The following CYP39A1 variants were observed in gnomAD, a reference collection of about 807,000 sequenced individuals.
The protein encoded by CYP39A1 is cytochrome P450 family 39 subfamily A member 1.
In CYP39A1, 49 loss-of-function variants were observed where a neutral mutation model predicts 58.1. The ratio of observed to expected loss-of-function variants is 0.84; its 90% confidence interval spans 0.67 to 1.07. CYP39A1 has a LOEUF of 1.07. Ranked by LOEUF, CYP39A1 falls within the 50% of genes least tolerant of loss-of-function variation. CYP39A1 has a pLI of 0.00. For synonymous variants in CYP39A1, 209 were observed against 187.6 expected (o/e 1.11, Z -0.93); for missense variants, 531 against 539.4 (o/e 0.98, Z 0.16).
intron 10 of CYP39A1, among the ~76,000 whole-genome samples, chr6:46,580,105 A>G (rs1276534794): frequency 6.6e-6 from 1 of 152,188 alleles, no homozygotes; most frequent in Non-Finnish European, 1.5e-5. Flanking sequence ...TTAAAACTAT[A>G]CTACAAGGCC....
chr6:46,595,979 A>G lies in CYP39A1; in HGVS notation c.1065+8T>C. On this transcript the variant is annotated splice_region_variant and intron_variant, in intron 8 of 11. Coordinates refer to ENST00000275016, the MANE Select transcript of CYP39A1 (RefSeq NM_016593.5). ...GGTTGATTCATTTAAAACCAAACCA[A>G]AGCTTACCAAAATTTCCACAGGCTT... 1.2e-6 allele frequency: 2 copies of G among 1,606,916 alleles called. No homozygotes were observed. Among genetic ancestry groups the G allele is most frequent in the East Asian group, 4.5e-5 (2 of 44,680 alleles).
rs60925069 is a variant in CYP39A1, at chr6:46,581,768, C to A, written c.1250+5309G>T. On this transcript the variant is annotated intron_variant, in intron 10 of 11. Coordinates refer to ENST00000275016, the MANE Select transcript of CYP39A1 (RefSeq NM_016593.5). ...GCAACAAACTTGCACATGTACCCCC[C>A]TTGAACCCAAAATAAAAGTTGAAAA... 7.8e-3 allele frequency among the ~76,000 whole-genome samples: 1,184 copies of A among 152,216 alleles called. 15 individuals carry two copies. Among genetic ancestry groups the A allele is most frequent in the African/African-American group, 0.027 (1,119 of 41,540 alleles).
At chr6:46,628,293 C>T (rs1236473979) in intron 6 of CYP39A1, among the ~76,000 whole-genome samples, 4 of 151,862 alleles carry the variant, frequency 2.6e-5, no homozygotes, top group African/African-American at 4.8e-5. Context: ...GAAAAATGAA[C>T]GAAATGTACA....
chr6:46,563,567 A>T (rs560472384), intron 10 of CYP39A1, among the ~76,000 whole-genome samples: 57 of 152,324 alleles, frequency 3.7e-4, no homozygotes, highest in Non-Finnish European at 5.6e-4. Context: ...AGCAATGCAC[A>T]TGGAGAGATG....
At position 46,565,579 on chromosome 6, in the gene CYP39A1, T is replaced by C. The variant is rs866310768; in HGVS notation, c.1251-11725A>G. Among the ~76,000 whole-genome samples the C allele has an allele frequency of 1.9e-4, 29 of 152,236 alleles. 1 individual carries two copies. The highest frequency in any genetic ancestry group is 6.8e-3 in the Middle Eastern group (2 of 294). On this transcript the variant is annotated intron_variant, in intron 10 of 11. Transcript: ENST00000275016. ...AACGAATCTGGTGTAGACGTTTATG[T>C]AACAATGTTGTGAGTTGCTTTTCAT...
At chr6:46,642,379 C>A (rs1776396287) in intron 1 of CYP39A1, 81 bp from the exon 2 acceptor site, 2 of 1,370,208 alleles carry the variant, frequency 1.5e-6, no homozygotes, top group Admixed American at 5.0e-5. Context: ...AATCCTAATG[C>A]TGAAGTTATA....
In CYP39A1 at chr6:46,560,791, C is replaced by T. The variant is rs138883642; in HGVS notation, c.1251-6937G>A. ...AATAAACTTGATTAAAAAAAATCTA[C>T]GGAAGGAGCCCTGGGGTAATCCAAA... On this transcript the variant is annotated intron_variant, in intron 10 of 11. Coordinates refer to ENST00000275016, the MANE Select transcript of CYP39A1 (RefSeq NM_016593.5). 9.3e-4 allele frequency among the ~76,000 whole-genome samples: 141 copies of T among 151,616 alleles called. 2 individuals carry two copies. In the East Asian group the frequency reaches 0.014, roughly 15 times the overall value.
chr6:46,612,597 A>G (rs1476002541), intron 7 of CYP39A1, among the ~76,000 whole-genome samples: 1 of 152,252 alleles, frequency 6.6e-6, no homozygotes, highest in Non-Finnish European at 1.5e-5. Context: ...TAGCAAAGGT[A>G]AATGAGGCTA....
At chr6:46,649,846 A>G (rs1344385365) in intron 1 of CYP39A1, among the ~76,000 whole-genome samples, 1 of 152,230 alleles carries the variant, frequency 6.6e-6, no homozygotes, top group Non-Finnish European at 1.5e-5. Context: ...TTAAATAAAA[A>G]TAATGGGAAG....
chr6:46,558,737 C>A (rs1344148510), intron 10 of CYP39A1, among the ~76,000 whole-genome samples: 2 of 152,074 alleles, frequency 1.3e-5, no homozygotes, highest in African/African-American at 4.8e-5. Flanking sequence ...GTGGCTCATG[C>A]CTATAATCCC....
At chr6:46,559,449 A>T (rs965785154) in intron 10 of CYP39A1, among the ~76,000 whole-genome samples, 1 of 152,238 alleles carries the variant, frequency 6.6e-6, no homozygotes, top group Non-Finnish European at 1.5e-5. Context: ...ATAGGAAAAT[A>T]AACATTTTAT....
Position 46,642,299 on chromosome 6 carries a change from C to T in CYP39A1, c.178-1G>A, listed in dbSNP as rs1776389543. The stretch of plus-strand genomic sequence containing the variant: ...CAAAGACTGTAAATATTGGTCCATA[C>T]TGAAATAAAACAAACATAGATTATA... On this transcript the variant is annotated splice_acceptor_variant, in intron 1 of 11. Transcript: ENST00000275016. LOFTEE classifies it high-confidence loss of function. 1.2e-6 allele frequency: 2 copies of T among 1,609,894 alleles called. No homozygotes were observed. Among genetic ancestry groups the T allele is most frequent in the African/African-American group, 1.3e-5 (1 of 74,660 alleles).
chr6:46,571,727 C>A (rs568918517), intron 10 of CYP39A1, among the ~76,000 whole-genome samples: 79 of 151,908 alleles, frequency 5.2e-4, no homozygotes, highest in African/African-American at 1.9e-3. Context: ...CATTTACATG[C>A]AAAGTAATTA....
At chr6:46,618,242 C>T (rs914083081) in intron 7 of CYP39A1, among the ~76,000 whole-genome samples, 3 of 152,138 alleles carry the variant, frequency 2.0e-5, no homozygotes, top group East Asian at 1.9e-4. Context: ...TTATTATTAA[C>T]CATCTTCCCA....
intron 10 of CYP39A1, among the ~76,000 whole-genome samples, chr6:46,572,439 T>C (rs1771640894): frequency 6.6e-6 from 1 of 152,198 alleles, no homozygotes; most frequent in East Asian, 1.9e-4. Flanking sequence ...TTGCCAGATA[T>C]ATCATTGGTT....
intron 10 of CYP39A1, chr6:46,586,523 T>A (rs1401970070): frequency 1.0e-6 from 1 of 985,074 alleles, no homozygotes; most frequent in Non-Finnish European, 1.2e-6. Flanking sequence ...AACAATAACT[T>A]TCATTAAACA....
At chr6:46,551,243 G>A (rs750039406) in intron 11 of CYP39A1, among the ~76,000 whole-genome samples, 3 of 151,706 alleles carry the variant, frequency 2.0e-5, no homozygotes, top group Non-Finnish European at 2.9e-5. Context: ...AAGTTGCAGG[G>A]TTCCACGAAC....
intron 7 of CYP39A1, among the ~76,000 whole-genome samples, chr6:46,619,943 C>G (rs1774853950): frequency 6.6e-6 from 1 of 152,072 alleles, no homozygotes; most frequent in Admixed American, 6.6e-5. Flanking sequence ...AATTTTAAAA[C>G]TTATATTTCA....
intron 8 of CYP39A1, among the ~76,000 whole-genome samples, chr6:46,593,589 T>A (rs1772970730): frequency 1.3e-5 from 2 of 152,136 alleles, no homozygotes; most frequent in Non-Finnish European, 2.9e-5. Flanking sequence ...TCATGTCTCC[T>A]TTGGAAGCAA....
Sources: gnomAD v4.1 joint callset for allele counts (sites outside exome capture counted in the v4.1 genomes callset) on GRCh38, gnomAD v4.1.1 for gene constraint, MANE v1.5 for transcripts, NCBI Gene and HGNC (gene_info 2026-07-23, HGNC 2026-07-21) for gene names.